The following ME3 variants were observed in gnomAD, a reference collection of about 807,000 sequenced individuals.
ME3 encodes the protein NADP-dependent malic enzyme, mitochondrial.
In ME3, 48 loss-of-function variants were observed where a neutral mutation model predicts 68.9. That is an observed-to-expected ratio of 0.70 (90% CI 0.55 to 0.89). The LOEUF is 0.89. Ranked by LOEUF, ME3 falls within the 40% of genes least tolerant of loss-of-function variation. The pLI is 0.00. For missense variants in ME3, 675 were observed against 797.4 expected (o/e 0.85, Z 1.85); for synonymous variants, 320 against 318.8 (o/e 1.00, Z -0.04).
intron 2 of ME3, among the ~76,000 whole-genome samples, chr11:86,636,149 G>A (rs1944319239): frequency 6.6e-6 from 1 of 152,158 alleles, no homozygotes. Flanking sequence ...ATTCAGTGTA[G>A]TGGTAAATGT....
At chr11:86,545,949 C>T (rs1956335923) in intron 4 of ME3, among the ~76,000 whole-genome samples, 1 of 152,206 alleles carries the variant, frequency 6.6e-6, no homozygotes, top group South Asian at 2.1e-4. Flanking sequence ...TAGCATGGTA[C>T]TGGTACTAAA....
chr11:86,467,662 TTCTCTCTCTC>T (rs57747402), intron 7 of ME3, among the ~76,000 whole-genome samples: 103 of 144,064 alleles, frequency 7.1e-4, no homozygotes, highest in Non-Finnish European at 8.4e-4. Context: ...CTCTCTCTGT[TTCTCTCTCTC>T]TCTCTCTCTC....
chr11:86,436,899 G>A (rs1948900413), downstream of ME3: 1 of 152,082 alleles, frequency 6.6e-6, no homozygotes, highest in Non-Finnish European at 1.5e-5. Context: ...TCTCAGTTCT[G>A]CTTCATTTAT....
intron 2 of ME3, among the ~76,000 whole-genome samples, chr11:86,562,075 C>T (rs1027023465): frequency 2.6e-5 from 4 of 152,142 alleles, no homozygotes; most frequent in Admixed American, 6.6e-5. Context: ...TTGTTCATCT[C>T]TCTTTCCTTC....
intron 2 of ME3, among the ~76,000 whole-genome samples, chr11:86,629,978 A>G (rs527364536): frequency 5.9e-5 from 9 of 152,194 alleles, no homozygotes; most frequent in Non-Finnish European, 8.8e-5. Context: ...CTGAGTCTGA[A>G]TAATGCCTAC....
intron 2 of ME3, among the ~76,000 whole-genome samples, chr11:86,583,982 A>C (rs1958587554): frequency 6.6e-6 from 1 of 152,214 alleles, no homozygotes; most frequent in African/African-American, 2.4e-5. Flanking sequence ...TATCAAACTA[A>C]AATGCCTCTG....
At chr11:86,599,420 GA>G (rs1565193365) in intron 2 of ME3, among the ~76,000 whole-genome samples, 1 of 152,112 alleles carries the variant, frequency 6.6e-6, no homozygotes, top group Admixed American at 6.5e-5. Flanking sequence ...AAAAAGAAAC[GA>G]ACAAAGCCTC....
At chr11:86,598,636 A>C (rs1281719557) in intron 2 of ME3, among the ~76,000 whole-genome samples, 2 of 152,158 alleles carry the variant, frequency 1.3e-5, no homozygotes, top group East Asian at 3.9e-4. Context: ...TGAGAATGGG[A>C]AGACTGCCTC....
intron 2 of ME3, among the ~76,000 whole-genome samples, chr11:86,663,652 CT>C (rs928426758): frequency 1.3e-4 from 20 of 152,194 alleles, no homozygotes; most frequent in African/African-American, 3.9e-4. Flanking sequence ...ATCAAAAGGC[CT>C]TTTTTCCCCC....
chr11:86,534,287 A>T (rs966017704), intron 4 of ME3, among the ~76,000 whole-genome samples: 1 of 152,124 alleles, frequency 6.6e-6, no homozygotes, highest in Admixed American at 6.5e-5. Context: ...TTCAAAAAAA[A>T]TTTCTTTAAT....
intron 2 of ME3, among the ~76,000 whole-genome samples, chr11:86,657,627 A>G (rs1252380467): frequency 6.6e-6 from 1 of 152,254 alleles, no homozygotes; most frequent in Non-Finnish European, 1.5e-5. Context: ...ATAATAAAAA[A>G]AAGATAATGC....
intron 2 of ME3, among the ~76,000 whole-genome samples, chr11:86,644,305 TTCCAATCTGTTC>T (rs1341562865): frequency 1.3e-5 from 2 of 152,200 alleles, no homozygotes; most frequent in Admixed American, 6.5e-5. Context: ...TCTTGCCCTC[TTCCAATCTGTTC>T]TCCATACAGC....
chr11:86,435,278 T>C, the ME3 span: 1 of 151,908 alleles, frequency 6.6e-6, no homozygotes, highest in African/African-American at 2.4e-5. Context: ...CTAAATAGGA[T>C]ATAGTAGGTC....
At chr11:86,561,209 T>G (rs909106189) in intron 2 of ME3, among the ~76,000 whole-genome samples, 3 of 152,050 alleles carry the variant, frequency 2.0e-5, no homozygotes, top group East Asian at 3.9e-4. Flanking sequence ...GGGTTGGTTG[T>G]TTTTTTGTTT....
chr11:86,530,768 A>G (rs1434201541), intron 4 of ME3, among the ~76,000 whole-genome samples: 1 of 152,212 alleles, frequency 6.6e-6, no homozygotes, highest in Non-Finnish European at 1.5e-5. Flanking sequence ...CTATTTAATA[A>G]ATGGTGCTGG....
intron 7 of ME3, among the ~76,000 whole-genome samples, chr11:86,479,565 G>A (rs1951273444): frequency 5.9e-5 from 9 of 152,006 alleles, no homozygotes; most frequent in Admixed American, 3.3e-4. Flanking sequence ...CTGTGTTCTT[G>A]CTTTTCTCAT....
intron 2 of ME3, among the ~76,000 whole-genome samples, chr11:86,563,307 CT>C (rs1957330306): frequency 6.6e-6 from 1 of 152,064 alleles, no homozygotes; most frequent in Admixed American, 6.6e-5. Flanking sequence ...TAAGCTTTCT[CT>C]TTTCTCATCA....
intron 4 of ME3, among the ~76,000 whole-genome samples, chr11:86,545,536 G>A (rs1039181851): frequency 6.6e-6 from 1 of 150,458 alleles, no homozygotes; most frequent in Non-Finnish European, 1.5e-5. Context: ...AAACAAACAG[G>A]CAAATCATGA....
At chr11:86,649,524 G>T (rs2135422924) in intron 2 of ME3, among the ~76,000 whole-genome samples, 1 of 152,316 alleles carries the variant, frequency 6.6e-6, no homozygotes, top group East Asian at 1.9e-4. Flanking sequence ...AAGTCGGATT[G>T]TCTCTGTTTG....
Sources: allele counts gnomAD v4.1 joint callset (sites outside exome capture counted in the v4.1 genomes callset), GRCh38; gene constraint gnomAD v4.1.1; transcripts MANE v1.5; gene names NCBI Gene and HGNC (gene_info 2026-07-23, HGNC 2026-07-21).